Variants in RILPL1 observed in about 807,000 individuals in gnomAD.
RILPL1 encodes the protein Rab interacting lysosomal protein like 1.
In RILPL1, 33 loss-of-function variants were observed where a neutral mutation model predicts 50.3. The ratio of observed to expected loss-of-function variants is 0.66; its 90% confidence interval spans 0.50 to 0.88. The LOEUF is 0.88. Among genes scored for constraint, RILPL1 ranks in the 40% least tolerant of loss-of-function variants. RILPL1 has a pLI of 0.00. For synonymous variants in RILPL1, 205 were observed against 228.6 expected, an observed-to-expected ratio of 0.90 and a Z score of 0.93; for missense variants, 418 against 542.5, an observed-to-expected ratio of 0.77 and a Z score of 2.28.
At chr12:123,481,532 T>A (rs1168860644) in intron 6 of RILPL1, among the ~76,000 whole-genome samples, 1 of 151,756 alleles carries the variant, frequency 6.6e-6, no homozygotes, top group African/African-American at 2.4e-5. Flanking sequence ...AAGTTGGAAC[T>A]TTTAGTTCCT....
At chr12:123,501,063 G>A (rs933209422) in intron 2 of RILPL1, among the ~76,000 whole-genome samples, 7 of 151,646 alleles carry the variant, frequency 4.6e-5, no homozygotes, top group Non-Finnish European at 7.4e-5. Flanking sequence ...AGCCGAGATC[G>A]TGCCATTGGA....
chr12:123,525,717 A>AAAAAAAAG lies in RILPL1; in HGVS notation c.310-2080_310-2073dup, dbSNP rs1566146942. ...CACTGTCTCAAAAAAAAAAAAAAAA[A>AAAAAAAAG]AAAAAAAGAAACAAATGGGGTATTG... On this transcript the variant is annotated intron_variant, in intron 1 of 6. Coordinates refer to ENST00000376874, the MANE Select transcript of RILPL1 (RefSeq NM_178314.5). 1.3e-3 allele frequency among the ~76,000 whole-genome samples: 171 copies of AAAAAAAAG among 133,418 alleles called. 2 individuals are homozygous for AAAAAAAAG. Among genetic ancestry groups the AAAAAAAAG allele is most frequent in the Non-Finnish European group, 2.0e-3 (128 of 63,166 alleles). The allele number at this position is 133,418 out of a possible 152,430, so 87.5% of individuals were successfully genotyped here. A position where few individuals can be genotyped will look rare whatever the true frequency, so the allele number is the denominator to read the frequency against.
At chr12:123,525,697 T>C (rs1350435657) in intron 1 of RILPL1, among the ~76,000 whole-genome samples, 3 of 31,498 alleles carry the variant, frequency 9.5e-5, no homozygotes, top group African/African-American at 1.4e-4. Context: ...TGAGACACTG[T>C]CTCAAAAAAA....
Position 123,523,654 on chromosome 12 carries a change from G to A in RILPL1, c.310-9C>T. 1 of 1,612,314 alleles carries A rather than the reference G, an allele frequency of 6.2e-7. No homozygotes were observed. Among genetic ancestry groups the A allele is most frequent in the South Asian group, 1.1e-5 (1 of 90,990 alleles). ...TCCACCAGCTCCAGCTCCTGCCAAG[G>A]CAAGGGGACAGCATGGGGTCACTGC... On this transcript the variant is annotated splice_polypyrimidine_tract_variant and intron_variant, in intron 1 of 6. Transcript: ENST00000376874.
intron 2 of RILPL1, among the ~76,000 whole-genome samples, chr12:123,502,076 G>A (rs1420741401): frequency 3.5e-4 from 45 of 127,116 alleles, no homozygotes; most frequent in Non-Finnish European, 1.6e-4. Context: ...GTGAAACTTC[G>A]TCTCAAAAAA....
At chr12:123,528,011 T>C (rs28371124) in intron 1 of RILPL1, among the ~76,000 whole-genome samples, 84,510 of 152,070 alleles carry the variant, frequency 0.56, 25,483 homozygotes, top group East Asian at 0.9. Flanking sequence ...TAATTACACA[T>C]ATGCCTCCAT....
At chr12:123,525,743 CTA>C (rs1344570980) in intron 1 of RILPL1, among the ~76,000 whole-genome samples, 1 of 143,472 alleles carries the variant, frequency 7.0e-6, no homozygotes, top group African/African-American at 2.6e-5. Flanking sequence ...TGGGGTATTG[CTA>C]TGTTGCCCAG....
intron 2 of RILPL1, among the ~76,000 whole-genome samples, chr12:123,504,129 G>A (rs902703173): frequency 1.3e-5 from 2 of 152,102 alleles, no homozygotes; most frequent in Non-Finnish European, 2.9e-5. Flanking sequence ...TCAGCCTTCC[G>A]TAGGTGCTGG....
At chr12:123,503,618 G>C (rs1192451513) in intron 2 of RILPL1, among the ~76,000 whole-genome samples, 1 of 151,956 alleles carries the variant, frequency 6.6e-6, no homozygotes, top group African/African-American at 2.4e-5. Context: ...CTCCTCTTCT[G>C]TCAGTGCCAA....
rs2139338396 is a variant in RILPL1 at position 123,498,641 on chromosome 12, G to A, written c.704C>T (p.Thr235Ile). ...QKVELEADLQ[T>I]KEQEMGSLRA... Reference sequence around the variant, plus strand: ...CAGGCTGCCCATCTCCTGCTCCTTGGTCTGCAGGTCTGCCTCCAGCTCCAC... The same window carrying A: ...CAGGCTGCCCATCTCCTGCTCCTTGATCTGCAGGTCTGCCTCCAGCTCCAC... Residue 235 changes from threonine to isoleucine, a missense_variant, in exon 4 of 7, where the codon ACC becomes ATC. By Grantham distance (89) the Thr-to-Ile change is moderately conservative. Transcript: ENST00000376874. This position sits in a 1 kb window ranked among gnomAD's most constrained non-coding sequence, Gnocchi z 4.3. 1 of 1,613,686 alleles carries A rather than the reference G, an allele frequency of 6.2e-7. No individual in the cohort carries two copies. The highest frequency in any genetic ancestry group is 1.1e-5 in the South Asian group (1 of 91,078).
rs867848615 is a variant in RILPL1 at position 123,522,907 on chromosome 12, T to A, written c.460+588A>T. 1.1e-4 allele frequency among the ~76,000 whole-genome samples: 16 copies of A among 152,156 alleles called. No individual in the cohort carries two copies. Among genetic ancestry groups the A allele is most frequent in the South Asian group, 2.1e-4 (1 of 4,834 alleles). On this transcript the variant is annotated intron_variant, in intron 2 of 6. Coordinates refer to ENST00000376874, the MANE Select transcript of RILPL1 (RefSeq NM_178314.5). The surrounding 1 kb of genome is among the most constrained non-coding windows in gnomAD (Gnocchi z 4.0). Reference sequence around the variant, plus strand: ...TGCGCGCGGCCTACACCGGCCTTCTTGGTTTCCCCCAAATGCTCATGTCCC... The same window carrying A: ...TGCGCGCGGCCTACACCGGCCTTCTAGGTTTCCCCCAAATGCTCATGTCCC...
chr12:123,499,283 G>A (rs1244579250), intron 3 of RILPL1, 135 bp downstream of exon 3: 1 of 638,646 alleles, frequency 1.6e-6, no homozygotes, highest in Non-Finnish European at 2.8e-6. Context: ...GCCAAGCCAT[G>A]AGCAGGATCC....
In RILPL1 at chr12:123,485,445, G is replaced by C. The variant is rs1418608198; in HGVS notation, c.974+188C>G. Among the ~76,000 whole-genome samples the C allele has an allele frequency of 6.6e-6, 1 of 152,170 alleles. No individual in the cohort carries two copies. The highest frequency in any genetic ancestry group is 2.1e-4 in the South Asian group (1 of 4,824). On this transcript the variant is annotated intron_variant, in intron 5 of 6. Coordinates refer to ENST00000376874, the MANE Select transcript of RILPL1 (RefSeq NM_178314.5). This position sits in a 1 kb window ranked among gnomAD's most constrained non-coding sequence, Gnocchi z 4.0. The stretch of plus-strand genomic sequence containing the variant: ...ATTAAAGGTGTGAGCTCTGGTGCCC[G>C]GCCTGGGCCCAAGAGTTTCAGAAAG...
At chr12:123,504,973 G>A (rs980936923) in intron 2 of RILPL1, among the ~76,000 whole-genome samples, 2 of 152,118 alleles carry the variant, frequency 1.3e-5, no homozygotes, top group East Asian at 3.9e-4. Flanking sequence ...CCACCTTCTG[G>A]GGGTGCCCTC....
At chr12:123,523,998 CT>C (rs546559710) in intron 1 of RILPL1, among the ~76,000 whole-genome samples, 48 of 152,366 alleles carry the variant, frequency 3.2e-4, no homozygotes, top group African/African-American at 1.2e-3. Context: ...GGCACACCCC[CT>C]GATCTCTGGA....
chr12:123,527,967 C>T (rs576132863), intron 1 of RILPL1, among the ~76,000 whole-genome samples: 8 of 152,280 alleles, frequency 5.3e-5, no homozygotes, highest in South Asian at 2.1e-4. Flanking sequence ...CGACTTCTGA[C>T]GTCCGGAAAT....
chr12:123,521,746 A>AAT (rs1217579207), intron 2 of RILPL1, among the ~76,000 whole-genome samples: 2 of 138,550 alleles, frequency 1.4e-5, no homozygotes, highest in Admixed American at 7.6e-5. Flanking sequence ...TATATATAAA[A>AAT]ATATATATAT....
chr12:123,490,791 C>T (rs563788524), intron 4 of RILPL1, among the ~76,000 whole-genome samples: 1 of 148,816 alleles, frequency 6.7e-6, no homozygotes, highest in Non-Finnish European at 1.5e-5. Flanking sequence ...GCTCTTGTTG[C>T]CCAGGCTAGA....
intron 4 of RILPL1, among the ~76,000 whole-genome samples, chr12:123,490,503 A>G (rs541682337): frequency 6.6e-6 from 1 of 152,072 alleles, no homozygotes; most frequent in South Asian, 2.1e-4. Context: ...TTTTCTGGAG[A>G]AGGGACAGTT....
Sources: gnomAD v4.1 joint callset for allele counts (sites outside exome capture counted in the v4.1 genomes callset) on GRCh38, gnomAD v4.1.1 for gene constraint, Gnocchi (gnomAD v3.1) non-coding constraint, MANE v1.5 for transcripts, NCBI Gene and HGNC (gene_info 2026-07-23, HGNC 2026-07-21) for gene names.